The following ELP1 variants were observed in gnomAD, a reference collection of about 807,000 sequenced individuals.
The protein encoded by ELP1 is elongator acetyltransferase complex subunit 1.
Under a neutral mutation model 183.2 loss-of-function variants are expected in ELP1, and 131 were observed. That is an observed-to-expected ratio of 0.72 (90% CI 0.62 to 0.83). The LOEUF (loss-of-function observed/expected upper bound fraction) is 0.83. Among genes scored for constraint, ELP1 ranks in the 40% least tolerant of loss-of-function variants. ELP1 has a pLI of 0.00. For synonymous variants in ELP1, 555 were observed against 569.0 expected (o/e 0.98, Z 0.35); for missense variants, 1,550 against 1,594.9 (o/e 0.97, Z 0.48).
intron 5 of ELP1, among the ~76,000 whole-genome samples, chr9:108,925,159 C>T (rs942261619): frequency 3.9e-5 from 6 of 152,156 alleles, no homozygotes; most frequent in African/African-American, 1.4e-4. Flanking sequence ...TCCCTCTCCA[C>T]ACACAAAAAC....
Position 108,911,095 on chromosome 9 carries a change from A to T in ELP1, c.1275T>A (p.Asn425Lys). The T allele has an allele frequency of 6.2e-7, 1 of 1,614,166 alleles. No homozygotes were observed. Among genetic ancestry groups the T allele is most frequent in the Non-Finnish European group, 8.5e-7 (1 of 1,180,002 alleles). Residue 425 changes from asparagine (N) to lysine (K), a missense_variant, in exon 12 of 37, where the codon AAT becomes AAA. Coordinates refer to ENST00000374647, the MANE Select transcript of ELP1 (RefSeq NM_003640.5). Reference protein sequence around the residue: ...TYQLLFPHPVNQVTFLAHPQK... With the variant: ...TYQLLFPHPVKQVTFLAHPQK... ...GAGGGTGTGCTAAGAATGTGACTTG[A>T]TTCACAGGGTGTGGGAACAGCAGTT...
intron 1 of ELP1, among the ~76,000 whole-genome samples, chr9:108,932,229 G>C (rs1024573729): frequency 6.6e-6 from 1 of 152,212 alleles, no homozygotes; most frequent in Non-Finnish European, 1.5e-5. Flanking sequence ...TGGGATAAGA[G>C]AAAGGTAAGT....
chr9:108,873,475 C>T (rs1337420411), intron 36 of ELP1, among the ~76,000 whole-genome samples: 1 of 152,112 alleles, frequency 6.6e-6, no homozygotes, highest in African/African-American at 2.4e-5. Context: ...TGATAATAAA[C>T]ACTCAGATAA....
intron 28 of ELP1, among the ~76,000 whole-genome samples, chr9:108,890,856 A>C (rs1263634621): frequency 6.6e-6 from 1 of 152,192 alleles, no homozygotes; most frequent in Non-Finnish European, 1.5e-5. Context: ...CTTAAAGGTA[A>C]ATGTTTTACC....
Position 108,908,381 on chromosome 9 carries a change from T to C in ELP1, c.1384A>G (p.Thr462Ala), listed in dbSNP as rs1829094068. The C allele has an allele frequency of 6.2e-7, 1 of 1,614,096 alleles. No homozygotes were observed. The highest frequency in any genetic ancestry group is 8.5e-7 in the Non-Finnish European group (1 of 1,179,968). ...KCGDCPSADP[T>A]VKLGAVGGSG... The stretch of plus-strand genomic sequence containing the variant: ...CCACCCACAGCTCCCAGTTTCACTG[T>C]AGGGTCAGCACTTGGACAATCACCT... The change falls in exon 13 of 37, where the codon ACA (threonine) becomes GCA (alanine). Residue 462 changes from threonine to alanine, a missense_variant. By Grantham distance (58) the Thr-to-Ala change is moderately conservative. Transcript: ENST00000374647.
chr9:108,912,112 C>T (rs1829246320), intron 11 of ELP1, 152 bp downstream of exon 11: 6 of 707,890 alleles, frequency 8.5e-6, no homozygotes, highest in South Asian at 7.6e-5. Context: ...AGAGAACATA[C>T]CCCACCTTAT....
chr9:108,878,546 T>C, intron 34 of ELP1, 77 bp downstream of exon 34: 1 of 1,582,666 alleles, frequency 6.3e-7, no homozygotes. Flanking sequence ...CTTAATCACC[T>C]ACTGAACTCT....
chr9:108,869,440 T>C (rs1827354484), intron 36 of ELP1, among the ~76,000 whole-genome samples: 3 of 152,146 alleles, frequency 2.0e-5, no homozygotes, highest in Admixed American at 1.3e-4. Context: ...GAATGTTCTG[T>C]ATTTCAAACT....
chr9:108,896,738 CA>C, intron 24 of ELP1, 94 bp from the exon 25 acceptor site: 3 of 1,264,048 alleles, frequency 2.4e-6, no homozygotes, highest in Non-Finnish European at 3.5e-6. Flanking sequence ...AAATTTTTCT[CA>C]ATAGAACTGG....
intron 19 of ELP1, 88 bp downstream of exon 19, chr9:108,900,172 A>G (rs1188759360): frequency 4.1e-6 from 4 of 966,024 alleles, no homozygotes; most frequent in South Asian, 4.0e-5. Flanking sequence ...AAGAATAAGA[A>G]AGCCTAAAAT....
At chr9:108,897,891 T>C (rs557335038) in intron 22 of ELP1, among the ~76,000 whole-genome samples, 34 of 152,290 alleles carry the variant, frequency 2.2e-4, no homozygotes, top group Non-Finnish European at 4.0e-4. Flanking sequence ...GATTTGGACA[T>C]TTCACTGTAG....
intron 16 of ELP1, 149 bp from the exon 17 acceptor site, chr9:108,901,830 C>A (rs1828821274): frequency 3.9e-6 from 3 of 773,784 alleles, no homozygotes; most frequent in Non-Finnish European, 6.7e-6. Flanking sequence ...CGTGGCTGGT[C>A]CAGTGCAAAA....
At chr9:108,889,665 A>C in intron 28 of ELP1, 2 of 501,658 alleles carry the variant, frequency 4.0e-6, no homozygotes, top group South Asian at 4.2e-5. Context: ...TCACTAAACC[A>C]CTTCGTCCCT....
In ELP1 at chr9:108,880,139, C is replaced by T; in HGVS notation, c.3373G>A (p.Asp1125Asn). 1.2e-6 allele frequency: 2 copies of T among 1,613,514 alleles called. No homozygotes were observed. Among genetic ancestry groups the T allele is most frequent in the Non-Finnish European group, 1.7e-6 (2 of 1,179,498 alleles). The change falls in exon 32 of 37, where the codon GAC becomes AAC. Residue 1125 changes from aspartate (D) to asparagine (N), a missense_variant. Coordinates refer to ENST00000374647, the MANE Select transcript of ELP1 (RefSeq NM_003640.5). Reference sequence around the variant, plus strand: ...CGACTGAATGTGGCTGTCTGAGAGTCCAGAAATGCCATATAATTTTTCTGG... The same window carrying T: ...CGACTGAATGTGGCTGTCTGAGAGTTCAGAAATGCCATATAATTTTTCTGG... ...EAQKNYMAFLDSQTATFSRHK... is the reference protein window; with the variant it reads ...EAQKNYMAFLNSQTATFSRHK...
chr9:108,868,795 G>A lies in ELP1; in HGVS notation c.*320C>T, dbSNP rs1427068565. On this transcript the variant is annotated 3_prime_UTR_variant, in exon 37 of 37. Transcript: ENST00000374647. ...ATTGTTTTACTTGTCTTCACACTTT[G>A]GAGGTAGAAATCATGAAACATTAAT... The A allele has an allele frequency of 6.9e-6, 4 of 577,062 alleles. No individual in the cohort carries two copies. Among genetic ancestry groups the A allele is most frequent in the African/African-American group, 1.9e-5 (1 of 53,596 alleles). The allele number at this position is 577,062 out of a possible 1,614,324, so 35.7% of individuals were successfully genotyped here.
chr9:108,897,601 A>T (rs1308665236), intron 22 of ELP1, among the ~76,000 whole-genome samples: 1 of 152,252 alleles, frequency 6.6e-6, no homozygotes, highest in South Asian at 2.1e-4. Context: ...CTAGTGATAC[A>T]TATAAAAACA....
rs567612710 is a variant in ELP1, at chr9:108,875,005, T to C, written c.3856-35A>G. The C allele has an allele frequency of 1.9e-4, 269 of 1,433,854 alleles. 2 individuals are homozygous for C. In the South Asian group the frequency reaches 2.9e-3, roughly 15 times the overall value. 88.8% of individuals were successfully genotyped at this position (1,433,854 alleles called of 1,614,324 possible). On this transcript the variant is annotated intron_variant, in intron 35 of 36. Coordinates refer to ENST00000374647, the MANE Select transcript of ELP1 (RefSeq NM_003640.5). Reference sequence around the variant, plus strand: ...AAATAGACTGTATCAGCAAAGATTATCTAATACTTCTCAAGACTGCCAATA... The same window carrying C: ...AAATAGACTGTATCAGCAAAGATTACCTAATACTTCTCAAGACTGCCAATA...
At chr9:108,884,430 CA>C (rs1258431172) in intron 29 of ELP1, among the ~76,000 whole-genome samples, 1 of 152,084 alleles carries the variant, frequency 6.6e-6, no homozygotes, top group East Asian at 1.9e-4. Context: ...ACACTCCATC[CA>C]ATAATAGTAG....
At position 108,930,559 on chromosome 9, in the gene ELP1, G is replaced by A. The variant is rs557481889; in HGVS notation, c.150+438C>T. 3.5e-3 allele frequency among the ~76,000 whole-genome samples: 528 copies of A among 152,092 alleles called. 5 individuals are homozygous for A. The highest frequency in any genetic ancestry group is 0.012 in the African/African-American group (486 of 41,510). ...CAAAAAATTAGCCGGGCGCGGTGGC[G>A]GGCGCCTGTAGTCCCAGCTTCTCGG... On this transcript the variant is annotated intron_variant, in intron 2 of 36. Transcript: ENST00000374647.
Sources: allele counts gnomAD v4.1 joint callset (sites outside exome capture counted in the v4.1 genomes callset), GRCh38; gene constraint gnomAD v4.1.1; transcripts MANE v1.5; gene names NCBI Gene and HGNC (gene_info 2026-07-23, HGNC 2026-07-21).